CSMD1: variants seen among roughly 807,000 people sequenced by gnomAD.
CSMD1 encodes CUB and Sushi multiple domains 1, also known as CUB and sushi domain-containing protein 1.
In CSMD1, 213 loss-of-function variants were observed where a neutral mutation model predicts 417.5. That is an observed-to-expected ratio of 0.51 (90% CI 0.46 to 0.57). CSMD1 has a LOEUF of 0.57. Ranked by LOEUF, CSMD1 falls within the 20% of genes least tolerant of loss-of-function variation. CSMD1 has a pLI of 0.00. For missense variants in CSMD1, 6,923 were observed against 4,529.7 expected (o/e 1.53, Z -15.17); for synonymous variants, 2,862 against 1,736.8 (o/e 1.65, Z -16.11).
intron 12 of CSMD1, among the ~76,000 whole-genome samples, chr8:3,453,629 A>T (rs1028271667): frequency 6.6e-6 from 1 of 152,118 alleles, no homozygotes; most frequent in African/African-American, 2.4e-5. Flanking sequence ...GTTTTGAGAG[A>T]CTTTCTTAAT....
At chr8:3,332,122 T>C (rs1170767446) in intron 23 of CSMD1, among the ~76,000 whole-genome samples, 3 of 152,230 alleles carry the variant, frequency 2.0e-5, no homozygotes, top group Non-Finnish European at 4.4e-5. Context: ...TGATAGATGA[T>C]GACAGGTATG....
At chr8:3,393,215 T>C (rs1379267806) in intron 17 of CSMD1, among the ~76,000 whole-genome samples, 1 of 152,190 alleles carries the variant, frequency 6.6e-6, no homozygotes, top group African/African-American at 2.4e-5. Context: ...TCTAGATGTG[T>C]GTTTAGAGCA....
At chr8:4,646,184 G>C (rs1194838272) in intron 1 of CSMD1, among the ~76,000 whole-genome samples, 2 of 152,150 alleles carry the variant, frequency 1.3e-5, no homozygotes, top group Non-Finnish European at 2.9e-5. Context: ...ATTGCCAGTG[G>C]AGAGAATTCT....
intron 3 of CSMD1, among the ~76,000 whole-genome samples, chr8:4,151,063 A>C (rs1796548622): frequency 6.6e-6 from 1 of 152,178 alleles, no homozygotes; most frequent in African/African-American, 2.4e-5. Context: ...GCCTACAGCT[A>C]AGTTTACGGG....
In CSMD1 at chr8:4,863,187, C is replaced by T. The variant is rs114247433; in HGVS notation, c.85+131145G>A. 6.0e-3 allele frequency among the ~76,000 whole-genome samples: 919 copies of T among 152,200 alleles called. 10 individuals are homozygous for T. The highest frequency in any genetic ancestry group is 0.021 in the African/African-American group (890 of 41,482). ...TGAATTGACAAGGTGCTTCATTTCTCTTCACCTCAGTTTTTACTATTCATC... is the reference window on the plus strand; with the variant it reads ...TGAATTGACAAGGTGCTTCATTTCTTTTCACCTCAGTTTTTACTATTCATC... On this transcript the variant is annotated intron_variant, in intron 1 of 69. Transcript: ENST00000635120.
intron 2 of CSMD1, among the ~76,000 whole-genome samples, chr8:4,502,591 C>A (rs1802314209): frequency 6.6e-6 from 1 of 152,158 alleles, no homozygotes; most frequent in Non-Finnish European, 1.5e-5. Context: ...ACCATTGCCA[C>A]TCCTCATTTT....
chr8:4,250,098 T>G (rs556994133), intron 3 of CSMD1, among the ~76,000 whole-genome samples: 5 of 152,300 alleles, frequency 3.3e-5, no homozygotes, highest in African/African-American at 4.8e-5. Context: ...TGCCATGGGA[T>G]GACTCAGCAA....
chr8:3,143,516 A>G (rs186940239), intron 40 of CSMD1, among the ~76,000 whole-genome samples: 138 of 152,308 alleles, frequency 9.1e-4, no homozygotes, highest in Non-Finnish European at 1.6e-3. Flanking sequence ...ATTGAGAGTT[A>G]TTTGCATTGT....
chr8:4,547,437 A>G (rs1163704910), intron 2 of CSMD1, among the ~76,000 whole-genome samples: 1 of 152,176 alleles, frequency 6.6e-6, no homozygotes, highest in African/African-American at 2.4e-5. Context: ...TCCTAGCATC[A>G]GATTGAAAAA....
At chr8:3,846,953 C>G (rs1585084051) in intron 5 of CSMD1, among the ~76,000 whole-genome samples, 2 of 152,124 alleles carry the variant, frequency 1.3e-5, no homozygotes, top group Admixed American at 1.3e-4. Context: ...GTGATTACAG[C>G]CGTGAGCCAC....
intron 2 of CSMD1, among the ~76,000 whole-genome samples, chr8:4,634,917 G>C (rs887833564): frequency 2.0e-5 from 3 of 152,042 alleles, no homozygotes; most frequent in Non-Finnish European, 2.9e-5. Flanking sequence ...TTTCCGATTT[G>C]TATTACAGTA....
chr8:3,835,319 A>G (rs1056492654), intron 5 of CSMD1, among the ~76,000 whole-genome samples: 3 of 152,140 alleles, frequency 2.0e-5, no homozygotes, highest in Admixed American at 6.5e-5. Context: ...GAACCATCCC[A>G]AATGTCCAAC....
At chr8:3,835,862 C>T (rs949870439) in intron 5 of CSMD1, among the ~76,000 whole-genome samples, 1 of 151,956 alleles carries the variant, frequency 6.6e-6, no homozygotes, top group South Asian at 2.1e-4. Flanking sequence ...CCTTTAGTGC[C>T]TCTGTACCAT....
intron 3 of CSMD1, among the ~76,000 whole-genome samples, chr8:4,145,242 C>G (rs1362876538): frequency 6.6e-6 from 1 of 150,898 alleles, no homozygotes. Flanking sequence ...ACATTCATGA[C>G]CTGGACAGGT....
intron 3 of CSMD1, among the ~76,000 whole-genome samples, chr8:4,206,682 T>A (rs1342970467): frequency 6.6e-6 from 1 of 152,170 alleles, no homozygotes; most frequent in East Asian, 1.9e-4. Flanking sequence ...TGATCTAAAA[T>A]CCTTTGGGTA....
chr8:3,142,236 TC>T (rs1376270273), intron 41 of CSMD1, among the ~76,000 whole-genome samples: 1 of 152,174 alleles, frequency 6.6e-6, no homozygotes, highest in African/African-American at 2.4e-5. Flanking sequence ...ATAAATCGGC[TC>T]TGTCTGGGCA....
intron 1 of CSMD1, among the ~76,000 whole-genome samples, chr8:4,850,982 G>A (rs576820720): frequency 4.0e-4 from 61 of 150,990 alleles, no homozygotes; most frequent in African/African-American, 1.4e-3. Context: ...GAGTTTTAGG[G>A]TACATGTGCA....
rs146820238 is a variant in CSMD1, at chr8:4,166,291, T to C, written c.416-134192A>G. ...AATACATAAACATAAAAGTTCTTAA[T>C]GGAATATTTTGTATTATCTTTTTTG... is the stretch of plus-strand genomic sequence containing the variant. On this transcript the variant is annotated intron_variant, in intron 3 of 69. Coordinates refer to ENST00000635120, the MANE Select transcript of CSMD1 (RefSeq NM_033225.6). Among the ~76,000 whole-genome samples, 679 of 152,340 alleles carry C rather than the reference T, an allele frequency of 4.5e-3. 8 individuals are homozygous for C. Among genetic ancestry groups the C allele is most frequent in the African/African-American group, 0.016 (655 of 41,582 alleles).
At chr8:3,881,616 A>C (rs1319975822) in intron 5 of CSMD1, among the ~76,000 whole-genome samples, 3 of 144,142 alleles carry the variant, frequency 2.1e-5, no homozygotes, top group Non-Finnish European at 4.5e-5. Flanking sequence ...CTCAAAAAAA[A>C]AAAAAACAAA....
Sources: gnomAD v4.1 joint callset for allele counts (sites outside exome capture counted in the v4.1 genomes callset) on GRCh38, gnomAD v4.1.1 for gene constraint, MANE v1.5 for transcripts, NCBI Gene and HGNC (gene_info 2026-07-23, HGNC 2026-07-21) for gene names.